The following LRRFIP1 variants were observed in gnomAD, a reference collection of about 807,000 sequenced individuals.
LRRFIP1 encodes LRR binding FLII interacting protein 1, also known as leucine-rich repeat flightless-interacting protein 1.
In LRRFIP1, 62 loss-of-function variants were observed where a neutral mutation model predicts 104.4. That is an observed-to-expected ratio of 0.59 (90% CI 0.48 to 0.73). The LOEUF is 0.73. Ranked by LOEUF, LRRFIP1 falls within the 30% of genes least tolerant of loss-of-function variation. LRRFIP1 has a pLI of 0.00. For synonymous variants in LRRFIP1, 300 were observed against 299.0 expected, an observed-to-expected ratio of 1.00 and a Z score of -0.03; for missense variants, 796 against 824.5, an observed-to-expected ratio of 0.97 and a Z score of 0.42.
chr2:237,668,710 T>C (rs746584962), intron 1 of LRRFIP1, among the ~76,000 whole-genome samples: 30 of 152,166 alleles, frequency 2.0e-4, no homozygotes, highest in Non-Finnish European at 2.9e-4. Context: ...CCTCACAGCA[T>C]TTTTCCTGAG....
At position 237,711,935 on chromosome 2, in the gene LRRFIP1, A is replaced by G. The variant is rs1195702667; in HGVS notation, c.184-2324A>G. Reference sequence around the variant, plus strand: ...TCCTAACGGCGGCAACGGTGCCTTCATGAATTTCGGGTCTTTGCAAGGCGG... The same window carrying G: ...TCCTAACGGCGGCAACGGTGCCTTCGTGAATTTCGGGTCTTTGCAAGGCGG... On this transcript the variant is annotated intron_variant, in intron 2 of 23. Transcript: ENST00000308482. The surrounding 1 kb of genome is among the most constrained non-coding windows in gnomAD (Gnocchi z 4.4). Among the ~76,000 whole-genome samples, 11 of 152,354 alleles carry G rather than the reference A, an allele frequency of 7.2e-5. No homozygotes were observed. The highest frequency in any genetic ancestry group is 1.3e-4 in the Non-Finnish European group (9 of 68,036).
At chr2:237,761,451 G>C (rs1312980364) in intron 19 of LRRFIP1, among the ~76,000 whole-genome samples, 2 of 152,202 alleles carry the variant, frequency 1.3e-5, no homozygotes, top group African/African-American at 4.8e-5. Context: ...CGAACAGCTA[G>C]GAATCTGATT....
chr2:237,765,838 A>G, intron 19 of LRRFIP1: 3 of 977,130 alleles, frequency 3.1e-6, no homozygotes, highest in Non-Finnish European at 3.6e-6. Context: ...TTGAATGCAA[A>G]AAGACCAAAA....
At chr2:237,772,715 A>G in intron 21 of LRRFIP1, 151 bp from the exon 22 acceptor site, 1 of 624,552 alleles carries the variant, frequency 1.6e-6, no homozygotes, top group South Asian at 2.0e-5. Context: ...GCCTTCTCCT[A>G]CTCTCAGCTC....
intron 11 of LRRFIP1, among the ~76,000 whole-genome samples, 158 bp from the exon 12 acceptor site, chr2:237,748,206 T>C (rs1458264090): frequency 6.6e-6 from 1 of 152,234 alleles, no homozygotes; most frequent in Non-Finnish European, 1.5e-5. Context: ...ATAGGAGAAG[T>C]GTGAAAAGCT....
rs62183639 is a variant in LRRFIP1 at position 237,649,643 on chromosome 2, T to C, written c.96+21903T>C. On this transcript the variant is annotated intron_variant, in intron 1 of 23. Transcript: ENST00000308482. This position sits in a 1 kb window ranked among gnomAD's most constrained non-coding sequence, Gnocchi z 4.1. ...CTGAGAAGAAGGTGACTTTTCCCGG[T>C]TGCTGTCCATGCAGACTGTGAGGGA... Among the ~76,000 whole-genome samples the C allele has an allele frequency of 0.14, 20,570 of 151,958 alleles. 2,164 individuals carry two copies. Among genetic ancestry groups the C allele is most frequent in the Non-Finnish European group, 0.21 (14,538 of 67,870 alleles).
chr2:237,713,164 G>A (rs568796668), intron 2 of LRRFIP1, among the ~76,000 whole-genome samples: 3 of 151,984 alleles, frequency 2.0e-5, no homozygotes, highest in East Asian at 1.9e-4. Flanking sequence ...GGGAGGTGGC[G>A]AGGAGACACC....
Position 237,735,413 on chromosome 2 carries a change from G to A in LRRFIP1, c.555+80G>A, listed in dbSNP as rs1035700517. ...GATGCTCGCTGGGCAGGGTCCAGCC[G>A]TGGGGGGTGACTGGCCATTCTCAGG... On this transcript the variant is annotated intron_variant, in intron 10 of 23. Coordinates refer to ENST00000308482, the MANE Select transcript of LRRFIP1 (RefSeq NM_001137550.2). The surrounding 1 kb of genome is among the most constrained non-coding windows in gnomAD (Gnocchi z 4.6). The A allele has an allele frequency of 4.1e-5, 55 of 1,354,612 alleles. No homozygotes were observed. In the African/African-American group the frequency reaches 5.5e-4, roughly 14 times the overall value. The allele number at this position is 1,354,612 out of a possible 1,614,324, so 83.9% of individuals were successfully genotyped here.
At chr2:237,643,999 T>C (rs1346912274) in intron 1 of LRRFIP1, among the ~76,000 whole-genome samples, 1 of 152,196 alleles carries the variant, frequency 6.6e-6, no homozygotes, top group Non-Finnish European at 1.5e-5. Flanking sequence ...GAGGGGAAAA[T>C]TAAAGCAAGA....
intron 20 of LRRFIP1, among the ~76,000 whole-genome samples, chr2:237,771,688 C>A (rs537312844): frequency 3.2e-4 from 49 of 152,096 alleles, no homozygotes; most frequent in Non-Finnish European, 5.9e-4. Flanking sequence ...CTGGCCTGGA[C>A]GCTGAGAAAG....
chr2:237,746,949 G>A (rs78224620), intron 11 of LRRFIP1, among the ~76,000 whole-genome samples: 4,811 of 152,328 alleles, frequency 0.032, 255 homozygotes, highest in African/African-American at 0.11. Context: ...GCATCCCACT[G>A]GCCTGAGGGA....
intron 1 of LRRFIP1, among the ~76,000 whole-genome samples, chr2:237,677,106 A>G (rs1439077106): frequency 6.6e-6 from 1 of 152,068 alleles, no homozygotes; most frequent in East Asian, 1.9e-4. Context: ...AAGTATACTC[A>G]CCCTCTTGTG....
intron 19 of LRRFIP1, chr2:237,764,123 G>A (rs779311837): frequency 6.2e-7 from 1 of 1,614,102 alleles, no homozygotes; most frequent in African/African-American, 1.3e-5. Flanking sequence ...AAGCAAAGAA[G>A]ACTGTACCAT....
intron 1 of LRRFIP1, among the ~76,000 whole-genome samples, chr2:237,686,240 T>C (rs1390620463): frequency 6.6e-6 from 1 of 152,066 alleles, no homozygotes; most frequent in Non-Finnish European, 1.5e-5. Flanking sequence ...CAATCAATAA[T>C]CAAACCCATC....
At chr2:237,745,589 G>A (rs2057735196) in intron 11 of LRRFIP1, among the ~76,000 whole-genome samples, 1 of 152,098 alleles carries the variant, frequency 6.6e-6, no homozygotes, top group South Asian at 2.1e-4. Flanking sequence ...ATGTGTTAAA[G>A]CCCTGCCCCC....
At chr2:237,648,017 G>A (rs979482490) in intron 1 of LRRFIP1, among the ~76,000 whole-genome samples, 5 of 152,068 alleles carry the variant, frequency 3.3e-5, no homozygotes. Flanking sequence ...TAAATAATCA[G>A]TACAGCTTCC....
At chr2:237,776,625 C>T (rs1391744452) in intron 23 of LRRFIP1, among the ~76,000 whole-genome samples, 1 of 152,126 alleles carries the variant, frequency 6.6e-6, no homozygotes, top group African/African-American at 2.4e-5. Flanking sequence ...CTGATATCTT[C>T]TTGATGAGTT....
intron 7 of LRRFIP1, among the ~76,000 whole-genome samples, chr2:237,726,518 G>A (rs1487232580): frequency 6.6e-6 from 1 of 152,204 alleles, no homozygotes; most frequent in African/African-American, 2.4e-5. Context: ...TGTTCTAGGT[G>A]CTTGAGATAC....
chr2:237,725,435 T>C (rs2094704401), intron 7 of LRRFIP1, among the ~76,000 whole-genome samples: 1 of 152,236 alleles, frequency 6.6e-6, no homozygotes, highest in Non-Finnish European at 1.5e-5. Flanking sequence ...ACTTTTGTTC[T>C]AATATTGTTC....
Sources: gnomAD v4.1 joint callset for allele counts (sites outside exome capture counted in the v4.1 genomes callset) on GRCh38, gnomAD v4.1.1 for gene constraint, Gnocchi (gnomAD v3.1) non-coding constraint, MANE v1.5 for transcripts, NCBI Gene and HGNC (gene_info 2026-07-23, HGNC 2026-07-21) for gene names.